CCDC171: variants seen among roughly 807,000 people sequenced by gnomAD.
CCDC171 encodes coiled-coil domain containing 171.
A neutral mutation model predicts 168.2 loss-of-function variants in CCDC171; 177 were observed. That is an observed-to-expected ratio of 1.05 (90% CI 0.93 to 1.19). The LOEUF (loss-of-function observed/expected upper bound fraction) is 1.19, where lower values mean the gene tolerates loss of function less well. Among genes scored for constraint, CCDC171 ranks in the 50% most tolerant of loss-of-function variants. CCDC171 has a pLI of 0.00. For missense variants in CCDC171, 1,991 were observed against 1,539.0 expected (o/e 1.29, Z -4.91); for synonymous variants, 687 against 540.8 (o/e 1.27, Z -3.75).
At chr9:15,635,223 A>G (rs1013700523) in intron 7 of CCDC171, among the ~76,000 whole-genome samples, 3 of 152,202 alleles carry the variant, frequency 2.0e-5, no homozygotes, top group Non-Finnish European at 4.4e-5. Flanking sequence ...CAAAATCTCA[A>G]AAGTAGATAA....
rs1216911491 is a variant in CCDC171, at chr9:15,744,599, A to G, written c.2376A>G (p.Lys792=). The change falls in exon 17 of 26, where the codon AAA becomes AAG. Residue 792 remains lysine, a synonymous_variant. Transcript: ENST00000380701. ...AAGAGGAAGCCAAGATGAAAAAGAA[A>G]ACATTCAAAGGATTGATACGTATAT... The part of the protein sequence containing the change: ...KKQEEAKMKK[K]TFKGLIRIFR... 4 of 1,614,084 alleles carry G rather than the reference A, an allele frequency of 2.5e-6. No individual in the cohort carries two copies. The highest frequency in any genetic ancestry group is 2.2e-5 in the South Asian group (2 of 91,092).
At chr9:15,767,758 TC>T (rs1206959360) in intron 18 of CCDC171, among the ~76,000 whole-genome samples, 1 of 144,138 alleles carries the variant, frequency 6.9e-6, no homozygotes, top group African/African-American at 2.6e-5. Context: ...TCTTTTCATG[TC>T]CTTGGGCCTT....
At chr9:15,995,627 A>G (rs1832346434) in intron 3 of CCDC171, among the ~76,000 whole-genome samples, 2 of 152,362 alleles carry the variant, frequency 1.3e-5, no homozygotes, top group African/African-American at 4.8e-5. Context: ...AATCAGCACT[A>G]TAGACTTGTT....
chr9:15,598,136 G>A (rs970267328), intron 6 of CCDC171, among the ~76,000 whole-genome samples: 1 of 152,004 alleles, frequency 6.6e-6, no homozygotes, highest in Non-Finnish European at 1.5e-5. Context: ...GGTTTTTTGT[G>A]TCTCTATTTC....
At chr9:15,824,057 A>G (rs1353589409) in intron 21 of CCDC171, among the ~76,000 whole-genome samples, 2 of 152,078 alleles carry the variant, frequency 1.3e-5, no homozygotes, top group Non-Finnish European at 2.9e-5. Flanking sequence ...CAGGCTACAC[A>G]GTGGAGAAAA....
chr9:15,999,740 T>C (rs1832485349), intron 3 of CCDC171, among the ~76,000 whole-genome samples: 1 of 152,180 alleles, frequency 6.6e-6, no homozygotes, highest in Admixed American at 6.5e-5. Context: ...TATCTTCTCT[T>C]TTATGGGCCT....
chr9:15,644,332 T>C (rs2046868896), intron 7 of CCDC171, among the ~76,000 whole-genome samples: 1 of 151,974 alleles, frequency 6.6e-6, no homozygotes, highest in South Asian at 2.1e-4. Context: ...AGAAGATGGG[T>C]GATTTCTGTA....
chr9:15,597,071 T>C (rs1273070567), intron 6 of CCDC171, among the ~76,000 whole-genome samples: 1 of 152,156 alleles, frequency 6.6e-6, no homozygotes, highest in African/African-American at 2.4e-5. Flanking sequence ...TTTCTAGTTA[T>C]ACAATCATGT....
chr9:15,643,040 C>CAGAAA lies in CCDC171; in HGVS notation c.823-14087_823-14086insAGAAA, dbSNP rs563920239. 7.3e-5 allele frequency among the ~76,000 whole-genome samples: 11 copies of CAGAAA among 151,712 alleles called. No homozygotes were observed. In the South Asian group the frequency reaches 2.3e-3, roughly 32 times the overall value. On this transcript the variant is annotated intron_variant, in intron 7 of 25. Transcript: ENST00000380701. Reference sequence around the variant, plus strand: ...AAATTGTTAGCCTTGTTTTTTTTCTCTCTGTGCCCTTTATTTGCTTTTTTT... The same window carrying CAGAAA: ...AAATTGTTAGCCTTGTTTTTTTTCTCAGAAATCTGTGCCCTTTATTTGCTTTTTTT...
intron 4 of CCDC171, among the ~76,000 whole-genome samples, chr9:15,579,668 T>G (rs1248746525): frequency 6.6e-6 from 1 of 152,226 alleles, no homozygotes; most frequent in Non-Finnish European, 1.5e-5. Context: ...ACTACTATAC[T>G]GGTTTTTAAT....
At position 15,561,158 on chromosome 9, in the gene CCDC171, A is replaced by T. The variant is rs185427551; in HGVS notation, c.-111-2820A>T. 2.1e-4 allele frequency among the ~76,000 whole-genome samples: 32 copies of T among 152,248 alleles called. No homozygotes were observed. The East Asian group carries it at 5.8e-3, about 28-fold the overall frequency. ...CTTATCTTTAAGCCCTGGTTTCCTC[A>T]TGTATAAAGTATGGATATTAGTATT... On this transcript the variant is annotated intron_variant, in intron 1 of 25. Transcript: ENST00000380701.
chr9:15,793,035 G>T (rs1232856460), intron 21 of CCDC171, among the ~76,000 whole-genome samples: 4 of 152,154 alleles, frequency 2.6e-5, no homozygotes, highest in Non-Finnish European at 5.9e-5. Flanking sequence ...TGGCAAACAG[G>T]ATAAAGAGTG....
intron 2 of CCDC171, among the ~76,000 whole-genome samples, chr9:15,566,538 G>A (rs2039743166): frequency 6.6e-6 from 1 of 152,182 alleles, no homozygotes; most frequent in South Asian, 2.1e-4. Context: ...GAGCCAGGGT[G>A]ACAGAGCGAG....
At chr9:15,671,226 G>A (rs1456668992) in intron 9 of CCDC171, among the ~76,000 whole-genome samples, 3 of 151,956 alleles carry the variant, frequency 2.0e-5, no homozygotes, top group Non-Finnish European at 2.9e-5. Flanking sequence ...TAACAGAACC[G>A]AAAGTCTCTC....
At chr9:15,897,153 C>A (rs1252284905) in intron 24 of CCDC171, among the ~76,000 whole-genome samples, 1 of 152,018 alleles carries the variant, frequency 6.6e-6, no homozygotes, top group Non-Finnish European at 1.5e-5. Context: ...TGGGATATCA[C>A]TGTCTTGGTA....
At chr9:15,735,794 A>C (rs1031711019) in intron 16 of CCDC171, among the ~76,000 whole-genome samples, 1 of 152,218 alleles carries the variant, frequency 6.6e-6, no homozygotes, top group Non-Finnish European at 1.5e-5. Context: ...AGTTAGTTAC[A>C]ATCACGTGTA....
At chr9:16,024,464 C>T (rs369404363) in intron 6 of CCDC171, among the ~76,000 whole-genome samples, 13 of 152,216 alleles carry the variant, frequency 8.5e-5, no homozygotes, top group Admixed American at 4.6e-4. Context: ...CTACTCCATA[C>T]GGAAATGAAT....
intron 7 of CCDC171, among the ~76,000 whole-genome samples, chr9:15,642,014 A>C (rs1166418045): frequency 3.3e-5 from 5 of 152,182 alleles, no homozygotes; most frequent in Admixed American, 2.0e-4. Context: ...AAATACAAAA[A>C]GTAGCTGGTC....
At chr9:15,765,555 T>C (rs2056676202) in intron 18 of CCDC171, among the ~76,000 whole-genome samples, 1 of 152,138 alleles carries the variant, frequency 6.6e-6, no homozygotes, top group Admixed American at 6.5e-5. Flanking sequence ...TGGTAGTAGA[T>C]GTATGTAAAA....
Sources: gnomAD v4.1 joint callset for allele counts (sites outside exome capture counted in the v4.1 genomes callset) on GRCh38, gnomAD v4.1.1 for gene constraint, MANE v1.5 for transcripts, NCBI Gene and HGNC (gene_info 2026-07-23, HGNC 2026-07-21) for gene names.